Variants in SOBP observed in about 807,000 individuals in gnomAD.
SOBP encodes the protein sine oculis-binding protein homolog.
A neutral mutation model predicts 53.6 loss-of-function variants in SOBP; 4 were observed. The ratio of observed to expected loss-of-function variants is 0.07; its 90% CI spans 0.04 to 0.17. The LOEUF is 0.17. Ranked by LOEUF, SOBP falls within the 10% of genes least tolerant of loss-of-function variation. The pLI is 1.00. For synonymous variants in SOBP, 584 were observed against 522.6 expected (o/e 1.12, Z -1.60); for missense variants, 1,088 against 1,204.7 (o/e 0.90, Z 1.43).
At chr6:107,538,338 C>A (rs1380760909) in intron 4 of SOBP, among the ~76,000 whole-genome samples, 3 of 152,130 alleles carry the variant, frequency 2.0e-5, no homozygotes, top group Non-Finnish European at 2.9e-5. Flanking sequence ...CCTTTAAATA[C>A]CTGCAAGATT....
intron 5 of SOBP, among the ~76,000 whole-genome samples, chr6:107,609,460 G>A (rs544256882): frequency 1.3e-5 from 2 of 152,310 alleles, no homozygotes; most frequent in African/African-American, 4.8e-5. Context: ...CCGCTCCTCA[G>A]CAAATCCCAA....
At chr6:107,647,213 C>T (rs1771596817) in intron 6 of SOBP, among the ~76,000 whole-genome samples, 1 of 152,126 alleles carries the variant, frequency 6.6e-6, no homozygotes, top group African/African-American at 2.4e-5. Flanking sequence ...TGTTTAAATG[C>T]TACATACCAA....
intron 3 of SOBP, among the ~76,000 whole-genome samples, chr6:107,509,582 G>A (rs1461115357): frequency 3.3e-5 from 5 of 152,058 alleles, no homozygotes; most frequent in Admixed American, 1.3e-4. Context: ...AAAGCAAACA[G>A]CTTTAGAAAT....
intron 4 of SOBP, among the ~76,000 whole-genome samples, chr6:107,535,831 A>G (rs1783981857): frequency 6.6e-6 from 1 of 152,088 alleles, no homozygotes; most frequent in Non-Finnish European, 1.5e-5. Flanking sequence ...AATGGATTGT[A>G]TTAGATACCA....
At chr6:107,568,296 C>T (rs1562620864) in intron 4 of SOBP, among the ~76,000 whole-genome samples, 1 of 152,186 alleles carries the variant, frequency 6.6e-6, no homozygotes, top group Non-Finnish European at 1.5e-5. Context: ...GTCAAGTTGC[C>T]TGTGGAGTCC....
At chr6:107,572,732 T>C (rs1423732787) in intron 4 of SOBP, among the ~76,000 whole-genome samples, 1 of 152,262 alleles carries the variant, frequency 6.6e-6, no homozygotes, top group Non-Finnish European at 1.5e-5. Flanking sequence ...ACAATGTATG[T>C]GTGCCCAAGC....
Position 107,557,581 on chromosome 6 carries a change from G to A in SOBP, c.573+23971G>A, listed in dbSNP as rs12663311. On this transcript the variant is annotated intron_variant, in intron 4 of 6. Transcript: ENST00000317357. Reference sequence around the variant, plus strand: ...TCAATATAAACCAAGTGTTTGGAAAGTTACTATAGAGTGTTTCAACAGATG... The same window carrying A: ...TCAATATAAACCAAGTGTTTGGAAAATTACTATAGAGTGTTTCAACAGATG... Among the ~76,000 whole-genome samples the A allele has an allele frequency of 8.4e-3, 1,272 of 152,332 alleles. 78 individuals are homozygous for A. In the East Asian group the frequency reaches 0.17, roughly 20 times the overall value.
Position 107,634,001 on chromosome 6 carries a change from T to A in SOBP, c.1157T>A (p.Val386Glu). The A allele has an allele frequency of 6.2e-7, 1 of 1,613,628 alleles. No individual in the cohort carries two copies. Residue 386 changes from valine (V) to glutamate (E), a missense_variant, in exon 6 of 7, where the codon GTG becomes GAG. By Grantham distance (121) the Val-to-Glu change is moderately radical. Coordinates refer to ENST00000317357, the MANE Select transcript of SOBP (RefSeq NM_018013.4). This position sits in a 1 kb window ranked among gnomAD's most constrained non-coding sequence, Gnocchi z 4.5. Reference sequence around the variant, plus strand: ...GTCCCGCCTCGGAGCCCTCCCATGGTGATGACCAACCGCGGCCCGGTGCCG... The same window carrying A: ...GTCCCGCCTCGGAGCCCTCCCATGGAGATGACCAACCGCGGCCCGGTGCCG... ...LGVPPRSPPMVMTNRGPVPLP... is the reference protein window; with the variant it reads ...LGVPPRSPPMEMTNRGPVPLP...
intron 4 of SOBP, among the ~76,000 whole-genome samples, chr6:107,562,212 T>A (rs1281223023): frequency 6.6e-6 from 1 of 151,956 alleles, no homozygotes; most frequent in Non-Finnish European, 1.5e-5. Flanking sequence ...AGAGATGGGG[T>A]TTTACCATGT....
At chr6:107,604,747 G>A (rs1786308176) in intron 5 of SOBP, among the ~76,000 whole-genome samples, 1 of 152,166 alleles carries the variant, frequency 6.6e-6, no homozygotes, top group African/African-American at 2.4e-5. Context: ...TGGCCCTGAA[G>A]CGGGGTGAGG....
chr6:107,544,732 A>G (rs920731108), intron 4 of SOBP, among the ~76,000 whole-genome samples: 13 of 152,218 alleles, frequency 8.5e-5, no homozygotes, highest in African/African-American at 3.1e-4. Context: ...ATGGCGCTTT[A>G]CCCACAAACA....
chr6:107,579,148 C>G (rs1562629111), intron 4 of SOBP, among the ~76,000 whole-genome samples: 1 of 152,100 alleles, frequency 6.6e-6, no homozygotes, highest in Non-Finnish European at 1.5e-5. Flanking sequence ...AGTGAAAAGC[C>G]AAAAGGCAGG....
intron 4 of SOBP, among the ~76,000 whole-genome samples, chr6:107,548,460 T>C (rs1322399951): frequency 6.6e-6 from 1 of 151,952 alleles, no homozygotes; most frequent in Non-Finnish European, 1.5e-5. Flanking sequence ...GCCAGGATGG[T>C]CTCCATCTCC....
chr6:107,646,736 G>T (rs1159492808), intron 6 of SOBP, among the ~76,000 whole-genome samples: 1 of 152,216 alleles, frequency 6.6e-6, no homozygotes, highest in East Asian at 1.9e-4. Flanking sequence ...TTTCCAGGCT[G>T]TAAACCTTCA....
chr6:107,503,199 A>G (rs879869605), intron 1 of SOBP, among the ~76,000 whole-genome samples: 3 of 152,228 alleles, frequency 2.0e-5, no homozygotes, highest in Non-Finnish European at 4.4e-5. Context: ...ATCCGCGATA[A>G]GAGTTATCTT....
At chr6:107,596,431 C>G (rs1344418657) in intron 5 of SOBP, among the ~76,000 whole-genome samples, 1 of 152,116 alleles carries the variant, frequency 6.6e-6, no homozygotes, top group Non-Finnish European at 1.5e-5. Context: ...AAATGAAATG[C>G]TTATGAGTTG....
At chr6:107,568,731 G>A (rs868684915) in intron 4 of SOBP, among the ~76,000 whole-genome samples, 4 of 152,136 alleles carry the variant, frequency 2.6e-5, no homozygotes, top group Admixed American at 6.5e-5. Context: ...TGTATCTTAT[G>A]AATAATCCTA....
At position 107,490,712 on chromosome 6, in the gene SOBP, GGTATTT is replaced by G; in HGVS notation, c.96+1_96+6del. ...AAAGGGAGATCAATGAGGAGATGAAGGTATTTTTTGATCTCGGGGGCCAGGGAGACT... is the reference window on the plus strand; with the variant it reads ...AAAGGGAGATCAATGAGGAGATGAAGTTTGATCTCGGGGGCCAGGGAGACT... On this transcript the variant is annotated splice_donor_variant and splice_donor_5th_base_variant and intron_variant, in intron 1 of 6. Coordinates refer to ENST00000317357, the MANE Select transcript of SOBP (RefSeq NM_018013.4). LOFTEE classifies it high-confidence loss of function. The G allele has an allele frequency of 6.5e-7, 1 of 1,539,712 alleles. No individual in the cohort carries two copies.
chr6:107,520,598 G>A (rs1783454882), intron 3 of SOBP, among the ~76,000 whole-genome samples: 1 of 152,164 alleles, frequency 6.6e-6, no homozygotes, highest in Admixed American at 6.5e-5. Context: ...AGGATACCTT[G>A]TCCCAGGTCA....
Sources: allele counts gnomAD v4.1 joint callset (sites outside exome capture counted in the v4.1 genomes callset), GRCh38; gene constraint gnomAD v4.1.1; non-coding constraint Gnocchi (gnomAD v3.1); transcripts MANE v1.5; gene names NCBI Gene and HGNC (gene_info 2026-07-23, HGNC 2026-07-21).